Variants in GAN observed in about 807,000 individuals in gnomAD.
GAN encodes epididymis secretory sperm binding protein.
GAN carries 48 observed loss-of-function variants against 71.3 expected under a neutral mutation model. The observed-to-expected ratio is 0.67, with a 90% CI of 0.53 to 0.86. The LOEUF is 0.86. GAN is among the 40% of genes least tolerant of loss of function. The pLI is 0.00. For synonymous variants in GAN, 386 were observed against 276.8 expected (o/e 1.39, Z -3.92); for missense variants, 928 against 770.1 (o/e 1.21, Z -2.43).
At chr16:81,327,999 T>G in intron 1 of GAN, among the ~76,000 whole-genome samples, 1 of 152,242 alleles carries the variant, frequency 6.6e-6, no homozygotes, top group East Asian at 1.9e-4. Context: ...CAGACTTGTT[T>G]CATTGAAGCA....
chr16:81,336,917 A>G (rs999025315), intron 1 of GAN, among the ~76,000 whole-genome samples: 1 of 151,788 alleles, frequency 6.6e-6, no homozygotes, highest in South Asian at 2.1e-4. Flanking sequence ...ATTTGTTACA[A>G]TTCCTGAACC....
intron 1 of GAN, among the ~76,000 whole-genome samples, chr16:81,328,907 C>T (rs182091156): frequency 1.2e-4 from 18 of 152,238 alleles, no homozygotes; most frequent in African/African-American, 4.3e-4. Flanking sequence ...GTTTTAATAA[C>T]CTTTTAAAAA....
Position 81,354,553 on chromosome 16 carries a change from A to C in GAN, c.431A>C (p.Tyr144Ser). 6.2e-7 allele frequency: 1 copy of C among 1,614,052 alleles called. No homozygotes were observed. Among genetic ancestry groups the C allele is most frequent in the Non-Finnish European group, 8.5e-7 (1 of 1,179,910 alleles). ...CIGIRDFALHYCLHHVHYLAT... is the reference protein window; with the variant it reads ...CIGIRDFALHSCLHHVHYLAT... ...GGTATCCGTGACTTTGCACTACATT[A>C]CTGCCTCCATCACGTTCATTACCTT... Residue 144 changes from tyrosine to serine, a missense_variant, in exon 3 of 11, where the codon TAC becomes TCC. By Grantham distance (144) the Tyr-to-Ser change is moderately radical (BLOSUM62 -2). Coordinates refer to ENST00000648994, the MANE Select transcript of GAN (RefSeq NM_022041.4).
intron 5 of GAN, among the ~76,000 whole-genome samples, chr16:81,361,723 C>G (rs1555511724): frequency 6.6e-6 from 1 of 152,208 alleles, no homozygotes; most frequent in South Asian, 2.1e-4. Context: ...GAAACAAGAT[C>G]TCACTTCGTT....
intron 2 of GAN, 56 bp downstream of exon 2, chr16:81,351,753 T>C (rs1597400055): frequency 1.2e-6 from 1 of 826,278 alleles, no homozygotes; most frequent in Non-Finnish European, 2.2e-6. Flanking sequence ...AAGCTCAGGG[T>C]GAGGGTCTCC....
intron 1 of GAN, among the ~76,000 whole-genome samples, chr16:81,327,480 C>T (rs7196278): frequency 0.92 from 140,233 of 152,182 alleles, 64,716 homozygotes; most frequent in Middle Eastern, 0.95. Context: ...AAAAAGGGGG[C>T]AGTCTCTTAA....
chr16:81,327,592 G>C (rs16955040), intron 1 of GAN, among the ~76,000 whole-genome samples: 3,209 of 150,348 alleles, frequency 0.021, 58 homozygotes, highest in East Asian at 0.082. Flanking sequence ...TTATTTAGGA[G>C]GCCTACTTTC....
intron 1 of GAN, among the ~76,000 whole-genome samples, chr16:81,329,556 T>A (rs1013210526): frequency 6.6e-6 from 1 of 152,176 alleles, no homozygotes; most frequent in East Asian, 1.9e-4. Flanking sequence ...GTCTTACCAC[T>A]CCATCAAAAC....
At chr16:81,322,126 T>C (rs1348380305) in intron 1 of GAN, among the ~76,000 whole-genome samples, 1 of 152,242 alleles carries the variant, frequency 6.6e-6, no homozygotes, top group Non-Finnish European at 1.5e-5. Flanking sequence ...CATTTCTCTC[T>C]GGGAATGTGA....
chr16:81,366,410 A>T (rs533160330), intron 9 of GAN, among the ~76,000 whole-genome samples: 1 of 152,258 alleles, frequency 6.6e-6, no homozygotes, highest in Admixed American at 6.5e-5. Context: ...CTCTTTCCTC[A>T]CACATTTTAT....
In GAN at chr16:81,386,185, G is replaced by C. The variant is rs1313328502; in HGVS notation, c.*8589G>C. 6.6e-6 allele frequency: 1 copy of C among 152,142 alleles called. No individual in the cohort carries two copies. The highest frequency in any genetic ancestry group is 1.5e-5 in the Non-Finnish European group (1 of 68,032). The allele number at this position is 152,142 out of a possible 1,614,324, so 9.4% of individuals were successfully genotyped here. On this transcript the variant is annotated 3_prime_UTR_variant, in exon 11 of 11. Transcript: ENST00000648994. ...TAGAGTTTGTTATAAATAACCCTCT[G>C]TTTAGAATTTGCCCAGTGAAATTCT...
Position 81,379,793 on chromosome 16 carries a change from T to G in GAN, c.*2197T>G, listed in dbSNP as rs1200220493. Reference sequence around the variant, plus strand: ...CTTTTTTAATTTCTGATATTTAAAGTTTTTTTTCCAGTCTACACCAGGCCT... The same window carrying G: ...CTTTTTTAATTTCTGATATTTAAAGGTTTTTTTCCAGTCTACACCAGGCCT... On this transcript the variant is annotated 3_prime_UTR_variant, in exon 11 of 11. Transcript: ENST00000648994. 1.3e-5 allele frequency: 2 copies of G among 151,982 alleles called. No individual in the cohort carries two copies. Among genetic ancestry groups the G allele is most frequent in the East Asian group, 1.9e-4 (1 of 5,190 alleles). 9.4% of individuals were successfully genotyped at this position (151,982 alleles called of 1,614,324 possible).
chr16:81,344,157 A>C (rs1024985796), intron 1 of GAN, among the ~76,000 whole-genome samples: 2 of 152,242 alleles, frequency 1.3e-5, no homozygotes, highest in African/African-American at 4.8e-5. Flanking sequence ...GGATAGGAAG[A>C]ATCAATATTG....
intron 1 of GAN, among the ~76,000 whole-genome samples, chr16:81,330,747 C>G (rs1482849343): frequency 1.3e-5 from 2 of 152,096 alleles, no homozygotes; most frequent in African/African-American, 4.8e-5. Context: ...AATATACTTA[C>G]AAAGGGAAAA....
rs113069157 is a variant in GAN at position 81,330,579 on chromosome 16, T to C, written c.167+15299T>C. 8.3e-4 allele frequency among the ~76,000 whole-genome samples: 126 copies of C among 152,348 alleles called. 2 individuals are homozygous for C. Among genetic ancestry groups the C allele is most frequent in the African/African-American group, 2.8e-3 (117 of 41,590 alleles). ...GAGGAGAGGAGACAGGTCTTTCTTA[T>C]AAAAGAATTTCAATTCGTATATGTA... On this transcript the variant is annotated intron_variant, in intron 1 of 10. Transcript: ENST00000648994.
chr16:81,344,743 C>G (rs1343892999), intron 1 of GAN, among the ~76,000 whole-genome samples: 1 of 151,712 alleles, frequency 6.6e-6, no homozygotes, highest in South Asian at 2.1e-4. Context: ...GCAAAAAAGC[C>G]AAAAACGACA....
At chr16:81,346,751 ACTTCAGGGTGTGGTTGCAG>A (rs1910131863) in intron 1 of GAN, among the ~76,000 whole-genome samples, 1 of 152,044 alleles carries the variant, frequency 6.6e-6, no homozygotes, top group Non-Finnish European at 1.5e-5. Flanking sequence ...TCTGGGGAAA[ACTTCAGGGTGTGGTTGCAG>A]CTGTGCACTG....
chr16:81,362,100 C>T lies in GAN; in HGVS notation c.974-399C>T, dbSNP rs113743467. ...TCCTGTTTTGAATAGAAAGTGCACA[C>T]GGATGCCTCAGATCTGGGTATTCCT... On this transcript the variant is annotated intron_variant, in intron 5 of 10. Transcript: ENST00000648994. 4.6e-5 allele frequency among the ~76,000 whole-genome samples: 7 copies of T among 152,238 alleles called. 1 individual carries two copies. The highest frequency in any genetic ancestry group is 1.7e-4 in the African/African-American group (7 of 41,538).
At chr16:81,355,514 C>T (rs1026732588) in intron 3 of GAN, among the ~76,000 whole-genome samples, 2 of 152,128 alleles carry the variant, frequency 1.3e-5, no homozygotes, top group East Asian at 1.9e-4. Context: ...CAGGCGTGTG[C>T]CACCATGCCT....
Sources: gnomAD v4.1 joint callset for allele counts (sites outside exome capture counted in the v4.1 genomes callset) on GRCh38, gnomAD v4.1.1 for gene constraint, MANE v1.5 for transcripts, NCBI Gene and HGNC (gene_info 2026-07-23, HGNC 2026-07-21) for gene names.